ZBTB7C: variants seen among roughly 807,000 people sequenced by gnomAD.
ZBTB7C encodes zinc finger and BTB domain containing 7C.
ZBTB7C carries 8 observed loss-of-function variants against 25.7 expected under a neutral mutation model. The ratio of observed to expected loss-of-function variants is 0.31; its 90% confidence interval spans 0.18 to 0.56. The LOEUF (loss-of-function observed/expected upper bound fraction) is 0.56. Among genes scored for constraint, ZBTB7C ranks in the 20% least tolerant of loss-of-function variants. The probability of loss-of-function intolerance (pLI) is 0.91; values close to 1 mark genes in which losing one functional copy is unlikely to be tolerated. For missense variants in ZBTB7C, 824 were observed against 855.2 expected, an observed-to-expected ratio of 0.96 and a Z score of 0.46; for synonymous variants, 394 against 369.0, an observed-to-expected ratio of 1.07 and a Z score of -0.78.
chr18:48,030,316 C>G (rs1356936482), intron 4 of ZBTB7C, among the ~76,000 whole-genome samples: 1 of 151,880 alleles, frequency 6.6e-6, no homozygotes. Flanking sequence ...CATACCCACT[C>G]TCTCCAGGCA....
intron 1 of ZBTB7C, among the ~76,000 whole-genome samples, chr18:48,338,915 G>GT (rs990883121): frequency 2.5e-4 from 38 of 151,912 alleles, no homozygotes; most frequent in Non-Finnish European, 4.9e-4. Flanking sequence ...GTTTGTTGGG[G>GT]GGGGGGGGTC....
chr18:48,320,208 C>T (rs1245972190), intron 2 of ZBTB7C, among the ~76,000 whole-genome samples: 5 of 152,060 alleles, frequency 3.3e-5, no homozygotes, highest in African/African-American at 7.2e-5. Context: ...GGGCATATCC[C>T]AGGCCAAGGC....
At chr18:48,273,081 T>C (rs982834515) in intron 2 of ZBTB7C, among the ~76,000 whole-genome samples, 16 of 152,306 alleles carry the variant, frequency 1.1e-4, no homozygotes, top group African/African-American at 3.8e-4. Flanking sequence ...GTATTAATGG[T>C]TGCAGAACTG....
At chr18:48,351,859 C>T (rs2046870216) in intron 1 of ZBTB7C, among the ~76,000 whole-genome samples, 1 of 152,168 alleles carries the variant, frequency 6.6e-6, no homozygotes, top group Non-Finnish European at 1.5e-5. Flanking sequence ...GAATCCTACC[C>T]TCGGGGAGAT....
chr18:48,295,436 C>G (rs1019600618), intron 2 of ZBTB7C, among the ~76,000 whole-genome samples: 4 of 152,154 alleles, frequency 2.6e-5, no homozygotes, highest in Non-Finnish European at 5.9e-5. Flanking sequence ...AGAATGTTTC[C>G]TCTGCGTCAT....
At chr18:48,072,091 G>A (rs762044756) in intron 3 of ZBTB7C, among the ~76,000 whole-genome samples, 22 of 152,176 alleles carry the variant, frequency 1.4e-4, no homozygotes, top group African/African-American at 3.9e-4. Context: ...CTTACTTTAC[G>A]TATAATTTTA....
At chr18:48,194,836 G>A (rs183785158) in intron 2 of ZBTB7C, among the ~76,000 whole-genome samples, 18 of 151,098 alleles carry the variant, frequency 1.2e-4, no homozygotes, top group African/African-American at 4.4e-4. Flanking sequence ...AGGAGTGGGT[G>A]CTGGAGTGCA....
intron 2 of ZBTB7C, among the ~76,000 whole-genome samples, chr18:48,265,105 T>C (rs916850950): frequency 3.3e-5 from 5 of 152,198 alleles, no homozygotes; most frequent in African/African-American, 7.2e-5. Context: ...GAATCAACCC[T>C]ATCCTTGATA....
At chr18:48,364,094 T>C (rs17752282) in intron 1 of ZBTB7C, 16,654 of 152,190 alleles carry the variant, frequency 0.11, 1,063 homozygotes, top group Non-Finnish European at 0.14. Flanking sequence ...CACTCTCACA[T>C]TGGTTCCTGT....
chr18:48,099,748 G>T (rs1161637984), intron 3 of ZBTB7C, among the ~76,000 whole-genome samples: 1 of 152,194 alleles, frequency 6.6e-6, no homozygotes, highest in Non-Finnish European at 1.5e-5. Flanking sequence ...AAGGAGGTGG[G>T]TTATCACCCA....
chr18:48,252,099 G>A (rs1169362113), intron 2 of ZBTB7C: 2 of 152,132 alleles, frequency 1.3e-5, no homozygotes, highest in Non-Finnish European at 2.9e-5. Flanking sequence ...TGTTTGTTAA[G>A]AGAATAAATT....
At chr18:48,279,189 G>C (rs1186635338) in intron 2 of ZBTB7C, among the ~76,000 whole-genome samples, 2 of 152,068 alleles carry the variant, frequency 1.3e-5, no homozygotes, top group Admixed American at 1.3e-4. Flanking sequence ...ACCCCTGACT[G>C]TTCTGTGAGA....
intron 2 of ZBTB7C, among the ~76,000 whole-genome samples, chr18:48,210,994 C>A (rs2042690098): frequency 6.6e-6 from 1 of 151,946 alleles, no homozygotes; most frequent in Admixed American, 6.6e-5. Context: ...AAATAATAGA[C>A]AAATAGATCA....
intron 3 of ZBTB7C, among the ~76,000 whole-genome samples, chr18:48,098,478 T>C (rs1203778260): frequency 2.0e-5 from 3 of 152,154 alleles, no homozygotes; most frequent in Non-Finnish European, 4.4e-5. Flanking sequence ...CTGTGTGGCT[T>C]GGGGAAACAG....
chr18:48,131,057 C>A (rs1403093248), intron 3 of ZBTB7C, among the ~76,000 whole-genome samples: 1 of 152,162 alleles, frequency 6.6e-6, no homozygotes, highest in Non-Finnish European at 1.5e-5. Flanking sequence ...GTGCGTGCCA[C>A]CACGCCTAGC....
At chr18:48,411,424 A>G (rs899197453), upstream of ZBTB7C, among the ~76,000 whole-genome samples, 1 of 152,218 alleles carries the variant, frequency 6.6e-6, no homozygotes, top group Non-Finnish European at 1.5e-5. Context: ...TCTCGCTTTC[A>G]GCAGCTGTGG....
intron 3 of ZBTB7C, among the ~76,000 whole-genome samples, chr18:48,093,085 C>T (rs1022251901): frequency 6.6e-6 from 1 of 152,144 alleles, no homozygotes; most frequent in South Asian, 2.1e-4. Flanking sequence ...AGGGAACTCA[C>T]GATTAACAAC....
At chr18:48,156,765 A>C (rs2040851623) in intron 3 of ZBTB7C, among the ~76,000 whole-genome samples, 2 of 152,176 alleles carry the variant, frequency 1.3e-5, no homozygotes, top group South Asian at 4.1e-4. Context: ...AAAGGTACTC[A>C]GAAAGGAACA....
rs879749414 is a variant in ZBTB7C at position 48,040,718 on chromosome 18, C to G, written c.390G>C (p.Gly130=). The change falls in exon 4 of 5, where the codon GGG becomes GGC. Residue 130 remains glycine (G), a synonymous_variant. Coordinates refer to ENST00000590800, the MANE Select transcript of ZBTB7C (RefSeq NM_001318841.2). ...TGTCATCCTCCTCCCCCCCGTCCCC[C>G]CCAGGCTCCATGATCTCCAGGCACA... ...VNVCLEIMEP[G]GDGGEEDDKE... 2.5e-6 allele frequency: 4 copies of G among 1,613,914 alleles called. No individual in the cohort carries two copies. The highest frequency in any genetic ancestry group is 3.4e-6 in the Non-Finnish European group (4 of 1,180,006).
Sources: gnomAD v4.1 joint callset for allele counts (sites outside exome capture counted in the v4.1 genomes callset) on GRCh38, gnomAD v4.1.1 for gene constraint, MANE v1.5 for transcripts, NCBI Gene and HGNC (gene_info 2026-07-23, HGNC 2026-07-21) for gene names.